Variants in FSTL5 observed in about 807,000 individuals in gnomAD.
FSTL5 encodes the protein follistatin-related protein 5.
In FSTL5, 62 loss-of-function variants were observed where a neutral mutation model predicts 89.1. The ratio of observed to expected loss-of-function variants is 0.70; its 90% CI spans 0.57 to 0.86. The LOEUF is 0.86. FSTL5 is among the 40% of genes least tolerant of loss of function. The pLI, the probability that FSTL5 is intolerant of heterozygous loss-of-function variation, is 0.00. For missense variants in FSTL5, 1,057 were observed against 1,001.6 expected (o/e 1.06, Z -0.75); for synonymous variants, 383 against 346.2 (o/e 1.11, Z -1.18).
chr4:161,758,641 C>T (rs968125067), intron 6 of FSTL5, among the ~76,000 whole-genome samples: 5 of 152,140 alleles, frequency 3.3e-5, no homozygotes, highest in African/African-American at 1.2e-4. Context: ...CCTCAGCCTC[C>T]TGAGTAGCTG....
intron 8 of FSTL5, among the ~76,000 whole-genome samples, chr4:161,561,296 A>G (rs1732592769): frequency 6.6e-6 from 1 of 152,024 alleles, no homozygotes; most frequent in South Asian, 2.1e-4. Context: ...AGGAGCTGGA[A>G]AAAGTATCTC....
chr4:161,664,146 ACG>A (rs1298102052), intron 6 of FSTL5, among the ~76,000 whole-genome samples: 1 of 152,198 alleles, frequency 6.6e-6, no homozygotes, highest in Non-Finnish European at 1.5e-5. Flanking sequence ...GGTCTCTGAC[ACG>A]GCCTGAAGAC....
Position 162,029,709 on chromosome 4 carries a change from G to C in FSTL5, c.160+3916C>G, listed in dbSNP as rs544903777. ...ACAGTAATTATGTAAATTTGCAAGA[G>C]AGTCAATATTTGTAACCACAAGATT... On this transcript the variant is annotated intron_variant, in intron 3 of 15. Coordinates refer to ENST00000306100, the MANE Select transcript of FSTL5 (RefSeq NM_020116.5). Among the ~76,000 whole-genome samples the C allele has an allele frequency of 2.6e-5, 4 of 152,042 alleles. No individual in the cohort carries two copies. The South Asian group carries it at 8.3e-4, about 32-fold the overall frequency.
chr4:161,598,096 G>T (rs968037753), intron 7 of FSTL5, among the ~76,000 whole-genome samples: 1 of 152,090 alleles, frequency 6.6e-6, no homozygotes, highest in African/African-American at 2.4e-5. Flanking sequence ...TGTTGGCTGG[G>T]CACAATAGCT....
chr4:161,593,253 AT>A (rs1733892870), intron 7 of FSTL5, among the ~76,000 whole-genome samples: 1 of 152,132 alleles, frequency 6.6e-6, no homozygotes, highest in South Asian at 2.1e-4. Context: ...TTTTAAAAAT[AT>A]TTATATCTTT....
At chr4:161,742,411 T>G (rs1415694719) in intron 6 of FSTL5, among the ~76,000 whole-genome samples, 1 of 152,162 alleles carries the variant, frequency 6.6e-6, no homozygotes. Context: ...AGGGGACCAG[T>G]TTTTAAATTG....
intron 6 of FSTL5, among the ~76,000 whole-genome samples, chr4:161,695,861 C>T (rs1283010454): frequency 2.0e-5 from 3 of 151,756 alleles, no homozygotes; most frequent in South Asian, 4.2e-4. Context: ...GAATATTAGT[C>T]CTTTGTTGGA....
intron 5 of FSTL5, among the ~76,000 whole-genome samples, chr4:161,768,347 A>T (rs989476472): frequency 2.6e-5 from 4 of 152,260 alleles, no homozygotes; most frequent in African/African-American, 9.6e-5. Flanking sequence ...AGATGTTGGT[A>T]ACTGTGAAAT....
At chr4:161,452,913 T>C (rs1290152953) in intron 15 of FSTL5, among the ~76,000 whole-genome samples, 1 of 152,164 alleles carries the variant, frequency 6.6e-6, no homozygotes, top group Non-Finnish European at 1.5e-5. Flanking sequence ...CTAAAATAAA[T>C]GTGTGCCTTA....
At chr4:161,898,505 T>G (rs1050114729) in intron 4 of FSTL5, among the ~76,000 whole-genome samples, 1 of 152,132 alleles carries the variant, frequency 6.6e-6, no homozygotes, top group Admixed American at 6.6e-5. Flanking sequence ...TGTCCATTTA[T>G]TATTATTATT....
At chr4:161,441,298 C>T (rs548238835) in intron 15 of FSTL5, among the ~76,000 whole-genome samples, 3 of 151,928 alleles carry the variant, frequency 2.0e-5, no homozygotes, top group Non-Finnish European at 2.9e-5. Flanking sequence ...CAAATTAAAC[C>T]GAATGAACAA....
chr4:161,981,023 G>A (rs966113499), intron 3 of FSTL5, among the ~76,000 whole-genome samples: 2 of 151,958 alleles, frequency 1.3e-5, no homozygotes, highest in African/African-American at 4.8e-5. Context: ...GCCTCCTAAA[G>A]TGCTGGGATT....
At chr4:161,536,261 A>T (rs1731612446) in intron 10 of FSTL5, among the ~76,000 whole-genome samples, 1 of 152,172 alleles carries the variant, frequency 6.6e-6, no homozygotes, top group East Asian at 1.9e-4. Flanking sequence ...GAAAACATAA[A>T]AATAATAAAG....
chr4:161,386,418 C>A lies in FSTL5; in HGVS notation c.1873G>T (p.Ala625Ser). The change falls in exon 16 of 16, where the codon GCA becomes TCA. Residue 625 changes from alanine (A) to serine (S), a missense_variant. This residue lies in a region of FSTL5 where 980 missense variants were observed against 903.2 expected (regional missense o/e 1.08). Coordinates refer to ENST00000306100, the MANE Select transcript of FSTL5 (RefSeq NM_020116.5). ...FGFILHKDEA[A>S]LQKIDLETMS... ...GTTTCAAGATCAATTTTTTGTAGTGCAGCTTCATCTTTATGAAGAATAAAT... is the reference window on the plus strand; with the variant it reads ...GTTTCAAGATCAATTTTTTGTAGTGAAGCTTCATCTTTATGAAGAATAAAT... 6.2e-7 allele frequency: 1 copy of A among 1,611,800 alleles called. No individual in the cohort carries two copies. The highest frequency in any genetic ancestry group is 8.5e-7 in the Non-Finnish European group (1 of 1,178,830).
At chr4:161,899,942 A>G (rs1404755251) in intron 4 of FSTL5, among the ~76,000 whole-genome samples, 1 of 152,092 alleles carries the variant, frequency 6.6e-6, no homozygotes, top group Non-Finnish European at 1.5e-5. Flanking sequence ...CTCCTGTAAT[A>G]CCAGCAAAAT....
At chr4:162,140,708 CAT>C (rs2111479502) in intron 1 of FSTL5, among the ~76,000 whole-genome samples, 1 of 152,148 alleles carries the variant, frequency 6.6e-6, no homozygotes, top group South Asian at 2.1e-4. Flanking sequence ...TTAAGAGTAA[CAT>C]AATCGATGTA....
At chr4:161,390,872 A>AT (rs1560871724) in intron 15 of FSTL5, among the ~76,000 whole-genome samples, 1 of 152,150 alleles carries the variant, frequency 6.6e-6, no homozygotes. Context: ...CTGACTTTCA[A>AT]TGTTTACCCA....
chr4:162,007,736 A>G (rs553147983), intron 3 of FSTL5, among the ~76,000 whole-genome samples: 1 of 152,020 alleles, frequency 6.6e-6, no homozygotes, highest in South Asian at 2.1e-4. Context: ...ACAATGGGTA[A>G]ATGTATCATG....
intron 4 of FSTL5, among the ~76,000 whole-genome samples, chr4:161,779,036 G>A (rs1049088003): frequency 6.6e-6 from 1 of 152,194 alleles, no homozygotes; most frequent in Non-Finnish European, 1.5e-5. Flanking sequence ...TGGCATTGGG[G>A]AGATCTGAAT....
Sources: gnomAD v4.1 joint callset for allele counts (sites outside exome capture counted in the v4.1 genomes callset) on GRCh38, gnomAD v4.1.1 for gene constraint, gnomAD v4.1.1 regional missense constraint, MANE v1.5 for transcripts, NCBI Gene and HGNC (gene_info 2026-07-23, HGNC 2026-07-21) for gene names.